CCDC3: variants seen among roughly 807,000 people sequenced by gnomAD.
CCDC3 encodes coiled-coil domain-containing protein 3.
In CCDC3, 24 loss-of-function variants were observed where a neutral mutation model predicts 21.4. The ratio of observed to expected loss-of-function variants is 1.12; its 90% CI spans 0.81 to 1.58. The LOEUF is 1.58. CCDC3 is among the 40% of genes most tolerant of loss of function. CCDC3 has a pLI of 0.00. For synonymous variants in CCDC3, 186 were observed against 166.0 expected, an observed-to-expected ratio of 1.12 and a Z score of -0.93; for missense variants, 425 against 360.9, an observed-to-expected ratio of 1.18 and a Z score of -1.44.
intron 4 of CCDC3, among the ~76,000 whole-genome samples, chr10:13,051,173 G>C (rs1201334588): frequency 6.6e-6 from 1 of 152,164 alleles, no homozygotes; most frequent in Non-Finnish European, 1.5e-5. Context: ...GGAGCCTCAA[G>C]TATTTCCAAC....
chr10:13,011,710 T>TC, intron 5 of CCDC3, among the ~76,000 whole-genome samples: 1 of 152,270 alleles, frequency 6.6e-6, no homozygotes, highest in South Asian at 2.1e-4. Flanking sequence ...TTCCAAAATG[T>TC]ATATGGAACC....
intron 2 of CCDC3, among the ~76,000 whole-genome samples, chr10:12,982,841 A>G (rs1467934313): frequency 6.7e-6 from 1 of 148,776 alleles, no homozygotes; most frequent in African/African-American, 2.5e-5. Context: ...TGCAGGGCAC[A>G]ATGGCTCACG....
intron 5 of CCDC3, among the ~76,000 whole-genome samples, chr10:13,021,232 G>T (rs990109631): frequency 6.6e-6 from 1 of 152,160 alleles, no homozygotes; most frequent in African/African-American, 2.4e-5. Context: ...TATACTTCTG[G>T]GGCAACTTTT....
intron 2 of CCDC3, among the ~76,000 whole-genome samples, chr10:12,957,530 C>T (rs1215951259): frequency 6.6e-6 from 1 of 152,118 alleles, no homozygotes; most frequent in Non-Finnish European, 1.5e-5. Flanking sequence ...AACTGCAGTC[C>T]CCAGTTTTGG....
chr10:12,918,526 T>C (rs1239809633), intron 2 of CCDC3, among the ~76,000 whole-genome samples: 1 of 152,234 alleles, frequency 6.6e-6, no homozygotes, highest in Admixed American at 6.5e-5. Context: ...TTATGCTTCA[T>C]TCTGGATTTA....
intron 2 of CCDC3, among the ~76,000 whole-genome samples, chr10:12,954,260 C>T (rs949916849): frequency 2.6e-5 from 4 of 152,098 alleles, no homozygotes; most frequent in African/African-American, 9.7e-5. Context: ...CCCAGAATGC[C>T]CATTATCTGT....
intron 2 of CCDC3, among the ~76,000 whole-genome samples, chr10:12,985,858 G>T (rs940968117): frequency 1.3e-5 from 2 of 152,128 alleles, no homozygotes; most frequent in East Asian, 3.9e-4. Flanking sequence ...AGACACACGT[G>T]ATAAAATTGC....
chr10:12,999,245 A>T (rs943683675), intron 1 of CCDC3, among the ~76,000 whole-genome samples: 1 of 152,216 alleles, frequency 6.6e-6, no homozygotes, highest in African/African-American at 2.4e-5. Flanking sequence ...CATCTCAAAA[A>T]AAGAACATAT....
upstream of CCDC3, among the ~76,000 whole-genome samples, chr10:13,005,827 A>G (rs1008722446): frequency 4.6e-5 from 7 of 152,236 alleles, no homozygotes; most frequent in African/African-American, 1.7e-4. Context: ...CCTTAGAGAT[A>G]ACTCTATAGA....
intron 2 of CCDC3, among the ~76,000 whole-genome samples, chr10:12,933,457 T>C: frequency 1.1e-5 from 1 of 87,164 alleles, no homozygotes; most frequent in South Asian, 6.3e-4. Context: ...ATATTCCCTT[T>C]ATTTTTTTTT....
intron 4 of CCDC3, among the ~76,000 whole-genome samples, chr10:13,061,769 G>T (rs1030126151): frequency 6.6e-6 from 1 of 152,168 alleles, no homozygotes; most frequent in Admixed American, 6.5e-5. Context: ...AAATATTCAG[G>T]TTCAGATAAA....
At chr10:12,927,593 A>T (rs187540758) in intron 2 of CCDC3, among the ~76,000 whole-genome samples, 2 of 151,766 alleles carry the variant, frequency 1.3e-5, no homozygotes, top group Non-Finnish European at 2.9e-5. Flanking sequence ...GCAAAAAAAA[A>T]CCTTTCTTTT....
chr10:13,049,879 C>T (rs1564332815), exon 5 of CCDC3: 1 of 152,158 alleles, frequency 6.6e-6, no homozygotes, highest in Non-Finnish European at 1.5e-5. Context: ...TTCAGCATGC[C>T]TCTGCCAATT....
intron 2 of CCDC3, among the ~76,000 whole-genome samples, chr10:12,919,391 A>G (rs1026207823): frequency 6.6e-6 from 1 of 152,122 alleles, no homozygotes; most frequent in African/African-American, 2.4e-5. Context: ...AGAGTTTGCC[A>G]TCAGCCTGGC....
At chr10:12,952,872 G>T (rs2668921) in intron 2 of CCDC3, among the ~76,000 whole-genome samples, 143,904 of 152,208 alleles carry the variant, frequency 0.95, 68,438 homozygotes, top group East Asian at 1. Context: ...ACATCCATGG[G>T]TTTATTTCTA....
chr10:13,085,753 G>T (rs1837094773), intron 3 of CCDC3, among the ~76,000 whole-genome samples: 1 of 152,164 alleles, frequency 6.6e-6, no homozygotes, highest in African/African-American at 2.4e-5. Flanking sequence ...GATCACCTGA[G>T]GTCAGGAGTT....
intron 2 of CCDC3, among the ~76,000 whole-genome samples, chr10:12,917,241 C>T (rs2439130): frequency 4.7e-4 from 64 of 135,006 alleles, no homozygotes; most frequent in East Asian, 4.1e-3. Context: ...TTGCCCAGGC[C>T]GGACTGCAGT....
At chr10:13,006,291 G>A (rs570743789), upstream of CCDC3, among the ~76,000 whole-genome samples, 255 of 152,348 alleles carry the variant, frequency 1.7e-3, 2 homozygotes, top group African/African-American at 6.0e-3. Context: ...GAGGAGAAAA[G>A]GGCAGGTCAG....
At chr10:13,008,970 T>C (rs1835955097) in intron 5 of CCDC3, among the ~76,000 whole-genome samples, 2 of 152,124 alleles carry the variant, frequency 1.3e-5, no homozygotes, top group Non-Finnish European at 2.9e-5. Flanking sequence ...AGCATCCAGA[T>C]TGGAAAAAAA....
Sources: gnomAD v4.1 joint callset for allele counts (sites outside exome capture counted in the v4.1 genomes callset) on GRCh38, gnomAD v4.1.1 for gene constraint, MANE v1.5 for transcripts, NCBI Gene and HGNC (gene_info 2026-07-23, HGNC 2026-07-21) for gene names.